The following TMEM50B variants were observed in gnomAD, a reference collection of about 807,000 sequenced individuals.
The protein encoded by TMEM50B is transmembrane protein 50B, also known as HCV p7-trans-regulated protein 3.
In TMEM50B, 14 loss-of-function variants were observed where a neutral mutation model predicts 23.4. That is an observed-to-expected ratio of 0.60 (90% CI 0.39 to 0.93). TMEM50B has a LOEUF of 0.93. Among genes scored for constraint, TMEM50B ranks in the 40% least tolerant of loss-of-function variants. The pLI is 0.00. For synonymous variants in TMEM50B, 64 were observed against 62.3 expected, an observed-to-expected ratio of 1.03 and a Z score of -0.13; for missense variants, 159 against 193.0, an observed-to-expected ratio of 0.82 and a Z score of 1.04.
intron 7 of TMEM50B, among the ~76,000 whole-genome samples, chr21:33,441,112 C>G (rs1047009239): frequency 6.6e-6 from 1 of 151,890 alleles, no homozygotes; most frequent in African/African-American, 2.4e-5. Flanking sequence ...TGCCTGTAAT[C>G]ACAGCTATTC....
downstream of TMEM50B, among the ~76,000 whole-genome samples, chr21:33,448,559 C>A (rs1436524573): frequency 1.3e-5 from 2 of 151,948 alleles, no homozygotes; most frequent in East Asian, 1.9e-4. Flanking sequence ...TGGCTCACTG[C>A]AAGCTCTGCC....
intron 7 of TMEM50B, among the ~76,000 whole-genome samples, chr21:33,440,492 C>T (rs1001536727): frequency 7.7e-5 from 11 of 142,350 alleles, no homozygotes; most frequent in African/African-American, 2.1e-4. Flanking sequence ...GGAGGCTGAG[C>T]GAAGGGAATT....
chr21:33,464,603 C>T (rs532111243), intron 4 of TMEM50B, among the ~76,000 whole-genome samples: 9 of 149,542 alleles, frequency 6.0e-5, no homozygotes, highest in Admixed American at 4.0e-4. Flanking sequence ...GTCGGGAGTT[C>T]GAGACCAGCG....
At chr21:33,469,176 G>A (rs989932750) in intron 1 of TMEM50B, among the ~76,000 whole-genome samples, 4 of 152,134 alleles carry the variant, frequency 2.6e-5, no homozygotes, top group African/African-American at 4.8e-5. Context: ...GCTAGGTGCC[G>A]AGGTGGTTCA....
At chr21:33,440,765 C>T (rs2084001229) in intron 7 of TMEM50B, among the ~76,000 whole-genome samples, 1 of 151,662 alleles carries the variant, frequency 6.6e-6, no homozygotes, top group African/African-American at 2.4e-5. Context: ...GCCTGTAATC[C>T]CAGCTACTCA....
intron 8 of TMEM50B, among the ~76,000 whole-genome samples, chr21:33,438,703 G>A (rs2083980638): frequency 6.6e-6 from 1 of 150,582 alleles, no homozygotes; most frequent in Non-Finnish European, 1.5e-5. Context: ...GAGGCAGTTG[G>A]GGCCCTGTAC....
intron 8 of TMEM50B, among the ~76,000 whole-genome samples, chr21:33,435,350 C>T (rs956899845): frequency 3.3e-5 from 5 of 152,136 alleles, no homozygotes; most frequent in African/African-American, 1.2e-4. Context: ...CAAGAGCCCC[C>T]AGTCCCTCCT....
downstream of TMEM50B, chr21:33,447,274 A>T (rs1208428934): frequency 6.6e-6 from 1 of 152,214 alleles, no homozygotes; most frequent in Non-Finnish European, 1.5e-5. Context: ...CCAGTGTTCT[A>T]AAAGCAACTT....
At chr21:33,441,147 T>C (rs2084005384) in intron 7 of TMEM50B, among the ~76,000 whole-genome samples, 2 of 151,718 alleles carry the variant, frequency 1.3e-5, no homozygotes, top group African/African-American at 4.8e-5. Context: ...GGAGAATCGG[T>C]TGAACCCACA....
In TMEM50B at chr21:33,454,118, A is replaced by G. The variant is rs578006079; in HGVS notation, c.431+1609T>C. ...AATCCAGCTCAAAAAAAAAAAAAAA[A>G]AAGACATTCATTCTAAAAAGCATAG... On this transcript the variant is annotated intron_variant, in intron 6 of 6. Coordinates refer to ENST00000542230, the MANE Select transcript of TMEM50B (RefSeq NM_006134.7). 2.7e-3 allele frequency among the ~76,000 whole-genome samples: 415 copies of G among 151,816 alleles called. 1 individual carries two copies. Among genetic ancestry groups the G allele is most frequent in the Non-Finnish European group, 3.9e-3 (265 of 67,940 alleles).
intron 6 of TMEM50B, among the ~76,000 whole-genome samples, chr21:33,454,914 C>T (rs976329316): frequency 5.9e-5 from 9 of 152,062 alleles, no homozygotes; most frequent in Admixed American, 1.3e-4. Context: ...CTCAGGAGTT[C>T]GAGACCACTC....
chr21:33,436,309 A>G (rs1331052526), intron 8 of TMEM50B, among the ~76,000 whole-genome samples: 2 of 152,138 alleles, frequency 1.3e-5, no homozygotes, highest in Non-Finnish European at 2.9e-5. Flanking sequence ...AGCCTGGGCA[A>G]CAACGTGAAA....
chr21:33,472,119 C>G (rs942041204), intron 1 of TMEM50B, among the ~76,000 whole-genome samples: 1 of 151,474 alleles, frequency 6.6e-6, no homozygotes, highest in African/African-American at 2.4e-5. Context: ...CAGGATGGCT[C>G]ACACATGTAA....
chr21:33,442,097 C>T (rs374634963), intron 7 of TMEM50B, among the ~76,000 whole-genome samples: 14 of 152,196 alleles, frequency 9.2e-5, no homozygotes, highest in African/African-American at 3.4e-4. Context: ...TCTGAGGCGC[C>T]CAGAGCCCTT....
At chr21:33,469,691 G>A (rs2084295456) in intron 1 of TMEM50B, 1 of 152,160 alleles carries the variant, frequency 6.6e-6, no homozygotes, top group Non-Finnish European at 1.5e-5. Flanking sequence ...ATGCTGTAAG[G>A]AGACCATTTA....
intron 1 of TMEM50B, among the ~76,000 whole-genome samples, chr21:33,477,873 C>G (rs1363701567): frequency 6.6e-6 from 1 of 151,790 alleles, no homozygotes; most frequent in Non-Finnish European, 1.5e-5. Context: ...CAGTGGCTCA[C>G]GCCTGTAATC....
intron 1 of TMEM50B, among the ~76,000 whole-genome samples, chr21:33,476,032 G>T (rs1420130975): frequency 6.6e-6 from 1 of 152,222 alleles, no homozygotes; most frequent in Non-Finnish European, 1.5e-5. Context: ...TTCGTGGTAA[G>T]AAGAGTAATA....
chr21:33,433,415 A>G (rs2083909906), intron 8 of TMEM50B, among the ~76,000 whole-genome samples: 1 of 152,216 alleles, frequency 6.6e-6, no homozygotes, highest in African/African-American at 2.4e-5. Flanking sequence ...TTTCCATACA[A>G]TGGAATATCA....
intron 1 of TMEM50B, among the ~76,000 whole-genome samples, chr21:33,470,106 A>T (rs887526131): frequency 5.3e-5 from 3 of 56,098 alleles, no homozygotes; most frequent in African/African-American, 7.3e-5. Context: ...GAAAGAAATA[A>T]AAAAAAAATT....
Sources: allele counts gnomAD v4.1 joint callset (sites outside exome capture counted in the v4.1 genomes callset), GRCh38; gene constraint gnomAD v4.1.1; transcripts MANE v1.5; gene names NCBI Gene and HGNC (gene_info 2026-07-23, HGNC 2026-07-21).